PCSK6: variants seen among roughly 807,000 people sequenced by gnomAD.
The protein encoded by PCSK6 is proprotein convertase subtilisin/kexin type 6, also known as paired basic amino acid cleaving enzyme 4.
A neutral mutation model predicts 123.3 loss-of-function variants in PCSK6; 85 were observed. The observed-to-expected ratio is 0.69, with a 90% CI of 0.58 to 0.83. The LOEUF is 0.83. Among genes scored for constraint, PCSK6 ranks in the 40% least tolerant of loss-of-function variants. PCSK6 has a pLI of 0.00. For missense variants in PCSK6, 1,191 were observed against 1,282.3 expected, an observed-to-expected ratio of 0.93 and a Z score of 1.09; for synonymous variants, 508 against 516.0, an observed-to-expected ratio of 0.98 and a Z score of 0.21.
intron 16 of PCSK6, among the ~76,000 whole-genome samples, chr15:101,325,337 T>C (rs1389440254): frequency 6.6e-6 from 1 of 152,216 alleles, no homozygotes; most frequent in Non-Finnish European, 1.5e-5. Context: ...CTTTTGGAAC[T>C]GTCGGCTCTG....
chr15:101,471,430 C>A (rs2057601936), intron 1 of PCSK6, among the ~76,000 whole-genome samples: 2 of 152,214 alleles, frequency 1.3e-5, no homozygotes, highest in African/African-American at 4.8e-5. Flanking sequence ...TGGCAGACAT[C>A]CATATGCCCA....
At chr15:101,340,720 T>G (rs2040582042) in intron 13 of PCSK6, among the ~76,000 whole-genome samples, 1 of 152,136 alleles carries the variant, frequency 6.6e-6, no homozygotes, top group East Asian at 1.9e-4. Context: ...AGCTGAGAAT[T>G]CAGTTCTCTT....
intron 4 of PCSK6, among the ~76,000 whole-genome samples, chr15:101,430,570 T>A (rs1488729794): frequency 6.6e-6 from 1 of 152,292 alleles, no homozygotes; most frequent in Non-Finnish European, 1.5e-5. Context: ...GGTATGCTTT[T>A]GTTTATATGA....
In PCSK6 at chr15:101,464,853, C is replaced by T. The variant is rs2057419998; in HGVS notation, c.298-21193G>A. Among the ~76,000 whole-genome samples the T allele has an allele frequency of 2.0e-5, 3 of 152,204 alleles. No individual in the cohort carries two copies. The South Asian group carries it at 6.2e-4, about 32-fold the overall frequency. ...TCTATCCCGCCGGTGACAAGGGATG[C>T]TCCCACAGCACCAGGTTCCCACTCT... On this transcript the variant is annotated intron_variant, in intron 1 of 21. Transcript: ENST00000611716.
intron 13 of PCSK6, among the ~76,000 whole-genome samples, chr15:101,354,453 T>C (rs566056608): frequency 6.6e-6 from 1 of 152,390 alleles, no homozygotes; most frequent in Non-Finnish European, 1.5e-5. Flanking sequence ...TTTTACACTT[T>C]AAACAAAGTG....
At chr15:101,390,623 G>A (rs1328704625) in intron 8 of PCSK6, among the ~76,000 whole-genome samples, 1 of 152,122 alleles carries the variant, frequency 6.6e-6, no homozygotes, top group Non-Finnish European at 1.5e-5. Context: ...GGCTGAGAAC[G>A]GGCCCCAGCT....
At chr15:101,449,153 T>C (rs986039330) in intron 1 of PCSK6, among the ~76,000 whole-genome samples, 1 of 152,206 alleles carries the variant, frequency 6.6e-6, no homozygotes, top group African/African-American at 2.4e-5. Flanking sequence ...AAGTCCCTGA[T>C]ATAAAATGGC....
chr15:101,335,880 G>A (rs1310244928), intron 13 of PCSK6, among the ~76,000 whole-genome samples: 1 of 152,242 alleles, frequency 6.6e-6, no homozygotes, highest in Non-Finnish European at 1.5e-5. Flanking sequence ...GGTACAGCCT[G>A]CGGCTCCCAG....
chr15:101,395,952 G>A (rs1039037), intron 7 of PCSK6, among the ~76,000 whole-genome samples: 54,433 of 151,908 alleles, frequency 0.36, 10,204 homozygotes, highest in East Asian at 0.66. Flanking sequence ...GTCTCTCACC[G>A]CCGGGCCACA....
At chr15:101,446,503 C>T (rs1401773722) in intron 1 of PCSK6, among the ~76,000 whole-genome samples, 1 of 152,152 alleles carries the variant, frequency 6.6e-6, no homozygotes, top group Non-Finnish European at 1.5e-5. Flanking sequence ...GGTATATATC[C>T]ACCTACCGTT....
chr15:101,437,272 A>G (rs1275106222), intron 2 of PCSK6, among the ~76,000 whole-genome samples: 1 of 152,190 alleles, frequency 6.6e-6, no homozygotes, highest in Non-Finnish European at 1.5e-5. Context: ...AGAGACGATT[A>G]CATGGTTTCG....
At chr15:101,310,377 G>T (rs2039828030) in intron 20 of PCSK6, among the ~76,000 whole-genome samples, 1 of 152,240 alleles carries the variant, frequency 6.6e-6, no homozygotes, top group Non-Finnish European at 1.5e-5. Context: ...TTGCGGTGGG[G>T]CTGCCTGCAG....
chr15:101,486,483 T>C (rs1166588107), intron 1 of PCSK6, among the ~76,000 whole-genome samples: 2 of 152,250 alleles, frequency 1.3e-5, no homozygotes, highest in Non-Finnish European at 2.9e-5. Flanking sequence ...CATGTAGTTA[T>C]GTCATCTGCC....
intron 1 of PCSK6, among the ~76,000 whole-genome samples, chr15:101,481,830 C>G (rs1265604526): frequency 6.6e-6 from 1 of 152,228 alleles, no homozygotes; most frequent in Non-Finnish European, 1.5e-5. Flanking sequence ...ATGTGAGTGA[C>G]TCAAATGTGT....
chr15:101,362,041 C>T (rs2041241273), intron 13 of PCSK6, among the ~76,000 whole-genome samples: 2 of 149,246 alleles, frequency 1.3e-5, no homozygotes, highest in South Asian at 4.2e-4. Context: ...ACTGCAAGCT[C>T]CACCTCCCAG....
intron 6 of PCSK6, among the ~76,000 whole-genome samples, chr15:101,423,259 A>AT (rs35566551): frequency 1.7e-3 from 238 of 139,796 alleles, no homozygotes; most frequent in Middle Eastern, 0.011. Context: ...AAATATCTGA[A>AT]TTTTTTTTTT....
intron 13 of PCSK6, among the ~76,000 whole-genome samples, chr15:101,356,928 A>C (rs1420828882): frequency 6.6e-6 from 1 of 152,162 alleles, no homozygotes; most frequent in African/African-American, 2.4e-5. Context: ...CTTTAAAACT[A>C]ATTACCTAAG....
intron 3 of PCSK6, 25 bp from the exon 4 acceptor site, chr15:101,431,488 C>G (rs748241310): frequency 4.3e-6 from 7 of 1,612,800 alleles, no homozygotes; most frequent in Non-Finnish European, 5.9e-6. Flanking sequence ...GACACAAAGT[C>G]CCCCCGACAT....
chr15:101,431,586 C>T, intron 3 of PCSK6, 123 bp from the exon 4 acceptor site: 1 of 1,158,406 alleles, frequency 8.6e-7, no homozygotes, highest in Non-Finnish European at 1.3e-6. Context: ...GAACACCTAT[C>T]CCTGCCTTAC....
Sources: allele counts gnomAD v4.1 joint callset (sites outside exome capture counted in the v4.1 genomes callset), GRCh38; gene constraint gnomAD v4.1.1; transcripts MANE v1.5; gene names NCBI Gene and HGNC (gene_info 2026-07-23, HGNC 2026-07-21).